PNPLA7: variants seen among roughly 807,000 people sequenced by gnomAD.
PNPLA7 encodes the protein patatin-like phospholipase domain-containing protein 7.
Under a neutral mutation model 161.7 loss-of-function variants are expected in PNPLA7, and 153 were observed. That is an observed-to-expected ratio of 0.95 (90% confidence interval 0.83 to 1.08). PNPLA7 has a LOEUF of 1.08. Ranked by LOEUF, PNPLA7 falls within the 50% of genes least tolerant of loss-of-function variation. PNPLA7 has a pLI of 0.00. For synonymous variants in PNPLA7, 809 were observed against 782.1 expected (o/e 1.03, Z -0.57); for missense variants, 1,739 against 1,856.6 (o/e 0.94, Z 1.16).
Position 137,467,583 on chromosome 9 carries a change from T to A in PNPLA7, c.2883-110A>T. Reference sequence around the variant, plus strand: ...CCAACTCCTCCACAGGCAGAGACGCTGACGCAGAGAGGGACTCCAGATGCA... The same window carrying A: ...CCAACTCCTCCACAGGCAGAGACGCAGACGCAGAGAGGGACTCCAGATGCA... On this transcript the variant is annotated intron_variant, in intron 25 of 34. Coordinates refer to ENST00000406427, the MANE Select transcript of PNPLA7 (RefSeq NM_001098537.3). The surrounding 1 kb of genome is among the most constrained non-coding windows in gnomAD (Gnocchi z 5.1). 1 of 1,387,934 alleles carries A rather than the reference T, an allele frequency of 7.2e-7. No homozygotes were observed. The highest frequency in any genetic ancestry group is 9.7e-7 in the Non-Finnish European group (1 of 1,025,800). The allele number at this position is 1,387,934 out of a possible 1,614,324, so 86.0% of individuals were successfully genotyped here.
rs761679622 is a variant in PNPLA7 at position 137,543,546 on chromosome 9, G to A, written c.392C>T (p.Pro131Leu). The change falls in exon 6 of 35, where the codon CCG (proline) becomes CTG (leucine). Residue 131 changes from proline (P) to leucine (L), a missense_variant. By Grantham distance (98) the Pro-to-Leu change is moderately conservative. This residue lies in a region of PNPLA7 where 209 missense variants were observed against 252.8 expected (regional missense o/e 0.83). Coordinates refer to ENST00000406427, the MANE Select transcript of PNPLA7 (RefSeq NM_001098537.3). This position sits in a 1 kb window ranked among gnomAD's most constrained non-coding sequence, Gnocchi z 6.9. The part of the protein sequence containing the change: ...KRILRFKKEY[P>L]ALQPKEPPPS... ...CGGGGGCTCCTTGGGCTGCAGGGCC[G>A]GGTATTCCTTCTTGAAACGCAGAAT... 36 of 1,613,274 alleles carry A rather than the reference G, an allele frequency of 2.2e-5. No homozygotes were observed. The Middle Eastern group carries it at 6.6e-4, about 30-fold the overall frequency.
Position 137,467,347 on chromosome 9 carries a change from C to G in PNPLA7, c.3009G>C (p.Gln1003His). 1 of 1,613,620 alleles carries G rather than the reference C, an allele frequency of 6.2e-7. No homozygotes were observed. The highest frequency in any genetic ancestry group is 8.5e-7 in the Non-Finnish European group (1 of 1,179,964). ...CCCACTGCTTGGCCCGGATCCGCATCTGGCTGTAGTTCCGCTCCTCAGAGT... is the reference window on the plus strand; with the variant it reads ...CCCACTGCTTGGCCCGGATCCGCATGTGGCTGTAGTTCCGCTCCTCAGAGT... ...ALYSEERNYS[Q>H]MRIRAKQWAE... Residue 1003 changes from glutamine (Q) to histidine (H), a missense_variant, in exon 26 of 35, where the codon CAG (glutamine) becomes CAC (histidine). Physicochemically the swap from Gln to His is conservative, Grantham distance 24. Coordinates refer to ENST00000406427, the MANE Select transcript of PNPLA7 (RefSeq NM_001098537.3). This position sits in a 1 kb window ranked among gnomAD's most constrained non-coding sequence, Gnocchi z 5.1.
intron 18 of PNPLA7, among the ~76,000 whole-genome samples, chr9:137,495,604 C>G (rs566794664): frequency 6.6e-6 from 1 of 152,140 alleles, no homozygotes; most frequent in Non-Finnish European, 1.5e-5. Flanking sequence ...CCACCACGCC[C>G]GGCTAGTTTT....
At chr9:137,522,138 C>CAGTG (rs1835030334) in intron 9 of PNPLA7, among the ~76,000 whole-genome samples, 7 of 152,108 alleles carry the variant, frequency 4.6e-5, no homozygotes, top group African/African-American at 1.4e-4. Flanking sequence ...GCAGTGGCAC[C>CAGTG]ATCTCGGCTC....
Position 137,540,713 on chromosome 9 carries a change from C to A in PNPLA7, c.676G>T (p.Glu226Ter). The change falls in exon 8 of 35, where the codon GAG becomes TAG. Residue 226 changes from glutamate to a stop codon, truncating the protein, a stop_gained. Coordinates refer to ENST00000406427, the MANE Select transcript of PNPLA7 (RefSeq NM_001098537.3). LOFTEE classifies it high-confidence loss of function. The surrounding 1 kb of genome is among the most constrained non-coding windows in gnomAD (Gnocchi z 5.1). ...GCCAGAACCTCTTTCACCACCACCT[C>A]GGTGCCGTCCTGCGCTTGGAGAGCA... ...EVCIQDTDGT[E>*]VVVKEVLAGD... 1 of 1,609,980 alleles carries A rather than the reference C, an allele frequency of 6.2e-7. No individual in the cohort carries two copies. The highest frequency in any genetic ancestry group is 8.5e-7 in the Non-Finnish European group (1 of 1,178,436).
chr9:137,549,353 G>C (rs1213429775), intron 1 of PNPLA7, among the ~76,000 whole-genome samples: 3 of 152,088 alleles, frequency 2.0e-5, no homozygotes, highest in African/African-American at 7.2e-5. Context: ...GGATCACGAG[G>C]TCAGGAAATC....
Position 137,499,670 on chromosome 9 carries a change from C to T in PNPLA7, c.1757+1021G>A, listed in dbSNP as rs1833272333. ...CAGAGGCCATGCAGAAAGCCCTTCC[C>T]AACTGGGCCAGGGCCCCGCTGCCCC... On this transcript the variant is annotated intron_variant, in intron 16 of 34. Transcript: ENST00000406427. This position sits in a 1 kb window ranked among gnomAD's most constrained non-coding sequence, Gnocchi z 5.5. Among the ~76,000 whole-genome samples, 1 of 152,246 alleles carries T rather than the reference C, an allele frequency of 6.6e-6. No individual in the cohort carries two copies. Among genetic ancestry groups the T allele is most frequent in the Admixed American group, 6.5e-5 (1 of 15,288 alleles).
rs899177831 is a variant in PNPLA7, at chr9:137,525,711, G to A, written c.748-2854C>T. Among the ~76,000 whole-genome samples the A allele has an allele frequency of 1.7e-4, 25 of 149,518 alleles. 2 individuals carry two copies. Among genetic ancestry groups the A allele is most frequent in the African/African-American group, 6.3e-4 (25 of 39,522 alleles). On this transcript the variant is annotated intron_variant, in intron 8 of 34. Coordinates refer to ENST00000406427, the MANE Select transcript of PNPLA7 (RefSeq NM_001098537.3). ...GTGACCGCTGAAGCACAGCATCACA[G>A]GGAGACGTTTAGGCCTCCGGATGGC...
Position 137,533,843 on chromosome 9 carries a change from T to C in PNPLA7, c.747+6799A>G, listed in dbSNP as rs113376841. On this transcript the variant is annotated intron_variant, in intron 8 of 34. Transcript: ENST00000406427. Reference sequence around the variant, plus strand: ...CCAGACAGGAGCACCCCCAGACTCCTCCCCAACAGCGTCCACTCCAGACAG... The same window carrying C: ...CCAGACAGGAGCACCCCCAGACTCCCCCCCAACAGCGTCCACTCCAGACAG... 5.1e-3 allele frequency among the ~76,000 whole-genome samples: 735 copies of C among 143,462 alleles called. 5 individuals carry two copies. Among genetic ancestry groups the C allele is most frequent in the Non-Finnish European group, 7.8e-3 (513 of 66,128 alleles). 94.1% of individuals were successfully genotyped at this position (143,462 alleles called of 152,430 possible). A position where few individuals can be genotyped will look rare whatever the true frequency, so the allele number is the denominator to read the frequency against.
chr9:137,461,122 G>C, intron 33 of PNPLA7: 1 of 328,942 alleles, frequency 3.0e-6, no homozygotes, highest in South Asian at 3.7e-5. Context: ...CAGTTCTGCT[G>C]TGAGGAGGCC....
intron 24 of PNPLA7, 145 bp from the exon 25 acceptor site, chr9:137,478,297 G>T: frequency 1.8e-6 from 1 of 554,868 alleles, no homozygotes; most frequent in Non-Finnish European, 2.7e-6. Context: ...GGCCCTGCCT[G>T]ATACGACTGG....
chr9:137,498,043 G>C (rs578254897), intron 17 of PNPLA7, 71 bp downstream of exon 17: 2 of 1,570,596 alleles, frequency 1.3e-6, no homozygotes, highest in Non-Finnish European at 1.7e-6. Flanking sequence ...CGGTAACCGT[G>C]CTTTGCCCAT....
intron 3 of PNPLA7, 84 bp from the exon 4 acceptor site, chr9:137,546,993 T>C: frequency 7.6e-7 from 1 of 1,320,966 alleles, no homozygotes; most frequent in South Asian, 1.2e-5. Flanking sequence ...CAGTCAGTCA[T>C]ACTCTCGTCC....
Position 137,480,294 on chromosome 9 carries a change from G to T in PNPLA7, c.2580+18C>A. On this transcript the variant is annotated intron_variant, in intron 23 of 34. Transcript: ENST00000406427. ...AGAGAGGGCTCTCCCCAGCTCCACCGGCCCTCCCCGTGCTCACCTCGCCCA... is the reference window on the plus strand; with the variant it reads ...AGAGAGGGCTCTCCCCAGCTCCACCTGCCCTCCCCGTGCTCACCTCGCCCA... 1 of 1,608,096 alleles carries T rather than the reference G, an allele frequency of 6.2e-7. No individual in the cohort carries two copies. The highest frequency in any genetic ancestry group is 1.3e-5 in the African/African-American group (1 of 74,898).
chr9:137,508,521 C>T (rs775776318), intron 12 of PNPLA7, among the ~76,000 whole-genome samples: 3 of 151,450 alleles, frequency 2.0e-5, no homozygotes, highest in Non-Finnish European at 4.4e-5. Context: ...GAGCTGAGAT[C>T]GCACTATTGC....
Position 137,461,532 on chromosome 9 carries a change from T to A in PNPLA7, c.3841+4A>T. ...CCACGGCTTCGTCTTGCGCCTCCAC[T>A]CACCATCCACCATGGCGGGCTTGGC... On this transcript the variant is annotated splice_donor_region_variant and intron_variant, in intron 33 of 34. Coordinates refer to ENST00000406427, the MANE Select transcript of PNPLA7 (RefSeq NM_001098537.3). 1 of 1,611,334 alleles carries A rather than the reference T, an allele frequency of 6.2e-7. No homozygotes were observed. Among genetic ancestry groups the A allele is most frequent in the Non-Finnish European group, 8.5e-7 (1 of 1,178,580 alleles).
chr9:137,491,928 G>A, intron 20 of PNPLA7: 1 of 985,484 alleles, frequency 1.0e-6, no homozygotes, highest in Non-Finnish European at 1.2e-6. Context: ...GGCCAGGGAG[G>A]CTGTGCTGAG....
chr9:137,470,975 A>G (rs984929592), intron 25 of PNPLA7, among the ~76,000 whole-genome samples: 4 of 152,234 alleles, frequency 2.6e-5, no homozygotes, highest in African/African-American at 4.8e-5. Flanking sequence ...GATCACACTC[A>G]GTGGTGGGCT....
In PNPLA7 at chr9:137,476,879, G is replaced by A. The variant is rs1831962023; in HGVS notation, c.2882+1155C>T. Among the ~76,000 whole-genome samples, 1 of 152,236 alleles carries A rather than the reference G, an allele frequency of 6.6e-6. No individual in the cohort carries two copies. The highest frequency in any genetic ancestry group is 1.5e-5 in the Non-Finnish European group (1 of 68,042). On this transcript the variant is annotated intron_variant, in intron 25 of 34. Transcript: ENST00000406427. This position sits in a 1 kb window ranked among gnomAD's most constrained non-coding sequence, Gnocchi z 4.5. ...AAGAGAAAATGTGGCACAAGACAAG[G>A]TGGAAAGTCCCTTAGACAGAAGGAT...
Sources: gnomAD v4.1 joint callset for allele counts (sites outside exome capture counted in the v4.1 genomes callset) on GRCh38, gnomAD v4.1.1 for gene constraint, gnomAD v4.1.1 regional missense constraint, Gnocchi (gnomAD v3.1) non-coding constraint, MANE v1.5 for transcripts, NCBI Gene and HGNC (gene_info 2026-07-23, HGNC 2026-07-21) for gene names.